The following ART3 variants were observed in gnomAD, a reference collection of about 807,000 sequenced individuals.
ART3 encodes ecto-ADP-ribosyltransferase 3.
In ART3, 49 loss-of-function variants were observed where a neutral mutation model predicts 48.5. The observed-to-expected ratio is 1.01, with a 90% CI of 0.80 to 1.28. The LOEUF is 1.28. Ranked by LOEUF, ART3 falls within the 50% of genes most tolerant of loss-of-function variation. The pLI is 0.00. For missense variants in ART3, 438 were observed against 454.3 expected, an observed-to-expected ratio of 0.96 and a Z score of 0.33; for synonymous variants, 145 against 157.2, an observed-to-expected ratio of 0.92 and a Z score of 0.58.
At chr4:76,024,828 A>G (rs4309862) in intron 1 of ART3, among the ~76,000 whole-genome samples, 93,001 of 152,068 alleles carry the variant, frequency 0.61, 29,521 homozygotes, top group East Asian at 0.94. Flanking sequence ...CTTCCATCCT[A>G]GGATCAGGCT....
chr4:76,046,978 AG>A (rs142472781), intron 1 of ART3, among the ~76,000 whole-genome samples: 89,396 of 151,348 alleles, frequency 0.59, 27,529 homozygotes, highest in East Asian at 0.94. Context: ...CCCGGGGCTC[AG>A]TGAGGGTGAT....
chr4:76,079,857 A>G (rs1423637473), intron 2 of ART3, among the ~76,000 whole-genome samples: 1 of 151,940 alleles, frequency 6.6e-6, no homozygotes, highest in Non-Finnish European at 1.5e-5. Flanking sequence ...TTTTGCGTTT[A>G]CAAGTTAGTA....
chr4:76,078,190 T>C (rs1483980650), intron 2 of ART3, among the ~76,000 whole-genome samples: 1 of 152,296 alleles, frequency 6.6e-6, no homozygotes, highest in East Asian at 1.9e-4. Context: ...GTGGCATTTA[T>C]GAACTTTGTC....
At chr4:76,036,266 A>C (rs1428667634) in intron 1 of ART3, 1 of 373,996 alleles carries the variant, frequency 2.7e-6, no homozygotes, top group African/African-American at 2.1e-5. Flanking sequence ...AGCACTGTGA[A>C]AACCCAGATG....
At chr4:76,110,090 G>T (rs1477125985) in intron 11 of ART3, among the ~76,000 whole-genome samples, 1 of 143,854 alleles carries the variant, frequency 7.0e-6, no homozygotes. Flanking sequence ...AGCAGTGTAT[G>T]TATGGAGGGA....
chr4:76,059,362 G>GTTTTTTTT (rs71657397), intron 1 of ART3, among the ~76,000 whole-genome samples: 2 of 141,108 alleles, frequency 1.4e-5, no homozygotes, highest in African/African-American at 2.6e-5. Flanking sequence ...ATTTTCTCTT[G>GTTTTTTTT]TTTTTTTTTC....
intron 3 of ART3, among the ~76,000 whole-genome samples, chr4:76,093,007 G>A (rs147372726): frequency 1.3e-5 from 2 of 152,244 alleles, no homozygotes; most frequent in African/African-American, 4.8e-5. Context: ...TTAAGGTGTT[G>A]GTAGGGCTGC....
chr4:76,081,913 C>A lies in ART3; in HGVS notation c.159C>A (p.Pro53=). The part of the protein sequence containing the change: ...CTDRMEIKYV[P]QLLKEEKASH... ...ACAGGATGGAAATTAAATACGTTCC[C>A]CAACTGCTAAAGGAGGAAAAAGCAA... The change falls in exon 3 of 12, where the codon CCC becomes CCA. Residue 53 remains proline, a synonymous_variant. Coordinates refer to ENST00000355810, the MANE Select transcript of ART3 (RefSeq NM_001130016.3). 2 of 1,614,130 alleles carry A rather than the reference C, an allele frequency of 1.2e-6. No homozygotes were observed. The highest frequency in any genetic ancestry group is 8.5e-7 in the Non-Finnish European group (1 of 1,180,030).
chr4:76,045,988 C>T lies in ART3; in HGVS notation c.-9-29893C>T, dbSNP rs532082776. On this transcript the variant is annotated intron_variant, in intron 1 of 9. Transcript: ENST00000341029. ...AAAGCTGGGCCTTCGACCTAGACAC[C>T]TTGTACCCTTGATTAGCCAGAAAGT... Among the ~76,000 whole-genome samples the T allele has an allele frequency of 2.0e-5, 3 of 152,114 alleles. No individual in the cohort carries two copies. The East Asian group carries it at 5.8e-4, about 29-fold the overall frequency.
At chr4:76,047,430 A>T (rs2149443790) in intron 1 of ART3, among the ~76,000 whole-genome samples, 1 of 152,004 alleles carries the variant, frequency 6.6e-6, no homozygotes, top group Non-Finnish European at 1.5e-5. Flanking sequence ...TCTGCGGCTG[A>T]TTGGGTAATA....
At chr4:76,025,987 A>G (rs1394449043) in intron 1 of ART3, among the ~76,000 whole-genome samples, 6 of 152,154 alleles carry the variant, frequency 3.9e-5, no homozygotes, top group African/African-American at 1.4e-4. Flanking sequence ...TAAGACCTCA[A>G]ACAACTTCCA....
chr4:76,071,357 G>A (rs1328151410), upstream of ART3, among the ~76,000 whole-genome samples: 4 of 142,316 alleles, frequency 2.8e-5, no homozygotes, highest in African/African-American at 8.6e-5. Flanking sequence ...GACAGAGCGA[G>A]ACTCCATCTC....
chr4:76,043,367 C>G (rs896820080), intron 1 of ART3, among the ~76,000 whole-genome samples: 2 of 151,960 alleles, frequency 1.3e-5, no homozygotes, highest in African/African-American at 4.8e-5. Context: ...CAGGGAGGCT[C>G]GGGCCACACA....
At chr4:76,065,066 A>C (rs1256287632) in intron 1 of ART3, among the ~76,000 whole-genome samples, 2 of 152,106 alleles carry the variant, frequency 1.3e-5, no homozygotes, top group Non-Finnish European at 1.5e-5. Context: ...TCCTGAGCTC[A>C]AGTGATCTGC....
chr4:76,042,585 G>A (rs1163087080), intron 1 of ART3, among the ~76,000 whole-genome samples: 3 of 152,242 alleles, frequency 2.0e-5, no homozygotes, highest in Non-Finnish European at 4.4e-5. Context: ...ATGAAGCCAC[G>A]GACCCTCGCG....
intron 3 of ART3, among the ~76,000 whole-genome samples, chr4:76,091,126 TTTAC>T (rs1724794231): frequency 6.6e-6 from 1 of 152,262 alleles, no homozygotes; most frequent in Non-Finnish European, 1.5e-5. Context: ...TATAACACAG[TTTAC>T]TTGTCTATTC....
chr4:76,034,682 GA>G (rs1560585498), intron 1 of ART3: 1 of 879,628 alleles, frequency 1.1e-6, no homozygotes, highest in Non-Finnish European at 1.8e-6. Context: ...CAAAACCATA[GA>G]AAAGTCTCAG....
intron 1 of ART3, among the ~76,000 whole-genome samples, chr4:76,035,729 A>C (rs1032301074): frequency 2.6e-5 from 4 of 152,340 alleles, no homozygotes; most frequent in East Asian, 3.9e-4. Flanking sequence ...AATTCCATGA[A>C]GTTCATAATT....
chr4:76,037,580 G>A (rs1734554057), intron 1 of ART3, among the ~76,000 whole-genome samples: 1 of 151,970 alleles, frequency 6.6e-6, no homozygotes, highest in African/African-American at 2.4e-5. Flanking sequence ...CAATCCTCCT[G>A]CCTTGGTCTC....
Sources: gnomAD v4.1 joint callset for allele counts (sites outside exome capture counted in the v4.1 genomes callset) on GRCh38, gnomAD v4.1.1 for gene constraint, MANE v1.5 for transcripts, NCBI Gene and HGNC (gene_info 2026-07-23, HGNC 2026-07-21) for gene names.